KPNA6: variants seen among roughly 807,000 people sequenced by gnomAD.
KPNA6 encodes importin subunit alpha-7.
KPNA6 carries 9 observed loss-of-function variants against 72.0 expected under a neutral mutation model. The observed-to-expected ratio is 0.13, with a 90% CI of 0.08 to 0.22. The LOEUF is 0.22. Among genes scored for constraint, KPNA6 ranks in the 10% least tolerant of loss-of-function variants. The pLI, the probability that KPNA6 is intolerant of heterozygous loss-of-function variation, is 1.00. For synonymous variants in KPNA6, 219 were observed against 242.1 expected (o/e 0.90, Z 0.89); for missense variants, 374 against 655.7 (o/e 0.57, Z 4.69).
At chr1:32,144,005 G>A (rs986449294) in intron 1 of KPNA6, among the ~76,000 whole-genome samples, 3 of 152,124 alleles carry the variant, frequency 2.0e-5, no homozygotes, top group Non-Finnish European at 2.9e-5. Context: ...ACCCCCAGTG[G>A]ACACCTGCAA....
chr1:32,148,166 A>G (rs1049062611), intron 1 of KPNA6, among the ~76,000 whole-genome samples: 3 of 152,038 alleles, frequency 2.0e-5, no homozygotes, highest in South Asian at 2.1e-4. Context: ...GTACAGTGGC[A>G]TGATCTCGGC....
chr1:32,145,100 C>A (rs1316186916), intron 1 of KPNA6, among the ~76,000 whole-genome samples: 1 of 151,650 alleles, frequency 6.6e-6, no homozygotes, highest in African/African-American at 2.4e-5. Flanking sequence ...CTACAGGGGC[C>A]CGCCACCACA....
At chr1:32,110,821 C>T (rs541665036) in intron 1 of KPNA6, among the ~76,000 whole-genome samples, 50 of 152,208 alleles carry the variant, frequency 3.3e-4, no homozygotes, top group African/African-American at 1.1e-3. Context: ...TGCTTGAACC[C>T]GGGAGGCGGA....
intron 1 of KPNA6, among the ~76,000 whole-genome samples, chr1:32,122,577 C>T (rs968326841): frequency 6.6e-6 from 1 of 151,878 alleles, no homozygotes; most frequent in African/African-American, 2.4e-5. Flanking sequence ...TTGAGGTCAG[C>T]AGTTTGAGAC....
chr1:32,155,836 C>T (rs1374595336), intron 2 of KPNA6, among the ~76,000 whole-genome samples: 1 of 151,366 alleles, frequency 6.6e-6, no homozygotes, highest in Non-Finnish European at 1.5e-5. Flanking sequence ...AGCTCCCGGG[C>T]TCAAGTGATC....
intron 1 of KPNA6, among the ~76,000 whole-genome samples, chr1:32,138,810 TG>T (rs1419919522): frequency 2.6e-5 from 4 of 152,204 alleles, no homozygotes; most frequent in Admixed American, 1.3e-4. Context: ...ATTAGAAAGC[TG>T]AATGCAATGA....
At chr1:32,114,451 A>AAAAAAATATATATATAT (rs982175711) in intron 1 of KPNA6, among the ~76,000 whole-genome samples, 2 of 145,562 alleles carry the variant, frequency 1.4e-5, no homozygotes, top group African/African-American at 5.0e-5. Flanking sequence ...CAAAAAAAAA[A>AAAAAAATATATATATAT]ATATATATAT....
intron 1 of KPNA6, among the ~76,000 whole-genome samples, chr1:32,149,549 G>A (rs903689691): frequency 2.0e-5 from 3 of 152,090 alleles, no homozygotes; most frequent in African/African-American, 7.2e-5. Context: ...ACTTTATTCC[G>A]CGAATGGGCC....
At chr1:32,143,209 G>A (rs573105574) in intron 1 of KPNA6, among the ~76,000 whole-genome samples, 1 of 152,180 alleles carries the variant, frequency 6.6e-6, no homozygotes, top group South Asian at 2.1e-4. Context: ...GACCACAGGT[G>A]CATGCCACCA....
chr1:32,128,386 T>TG, intron 1 of KPNA6, among the ~76,000 whole-genome samples: 1 of 73,188 alleles, frequency 1.4e-5, no homozygotes, highest in Admixed American at 1.9e-4. Flanking sequence ...TATATATGTA[T>TG]TTATATATAT....
intron 6 of KPNA6, 130 bp downstream of exon 6, chr1:32,159,661 A>G (rs1403203004): frequency 1.0e-6 from 1 of 998,572 alleles, no homozygotes; most frequent in Admixed American, 2.6e-5. Context: ...GGTGTCAAGT[A>G]CAGATGGCCC....
chr1:32,141,452 C>T (rs1399450754), intron 1 of KPNA6, among the ~76,000 whole-genome samples: 1 of 122,004 alleles, frequency 8.2e-6, no homozygotes, highest in African/African-American at 3.2e-5. Context: ...GGCTGGAGTG[C>T]AGTGGCGCGA....
intron 1 of KPNA6, among the ~76,000 whole-genome samples, chr1:32,145,236 G>A (rs1641910022): frequency 6.6e-6 from 1 of 151,898 alleles, no homozygotes; most frequent in Admixed American, 6.6e-5. Context: ...TGGGATTACA[G>A]ATGTGAGCCA....
At chr1:32,139,521 C>T (rs1481335897) in intron 1 of KPNA6, among the ~76,000 whole-genome samples, 1 of 152,130 alleles carries the variant, frequency 6.6e-6, no homozygotes, top group African/African-American at 2.4e-5. Flanking sequence ...TGAATCTATT[C>T]TAGCCCCTAG....
intron 1 of KPNA6, among the ~76,000 whole-genome samples, chr1:32,130,120 G>A (rs1448215060): frequency 6.6e-6 from 1 of 151,878 alleles, no homozygotes; most frequent in African/African-American, 2.4e-5. Flanking sequence ...AATTTTGCCT[G>A]AGAATGCCTC....
intron 6 of KPNA6, among the ~76,000 whole-genome samples, chr1:32,159,979 A>G (rs1642207744): frequency 6.6e-6 from 1 of 152,212 alleles, no homozygotes. Flanking sequence ...GGGCTCTTTT[A>G]TAGACTTGGT....
chr1:32,161,732 A>G (rs923160613), intron 7 of KPNA6, among the ~76,000 whole-genome samples: 21 of 152,116 alleles, frequency 1.4e-4, no homozygotes, highest in Admixed American at 3.9e-4. Context: ...CCTATTATCT[A>G]TGGTATTAAC....
At chr1:32,132,979 C>CGG (rs1041782024) in intron 1 of KPNA6, among the ~76,000 whole-genome samples, 9 of 152,110 alleles carry the variant, frequency 5.9e-5, no homozygotes, top group African/African-American at 2.2e-4. Flanking sequence ...CGGTGATCCA[C>CGG]CTGCCCCAGC....
At chr1:32,118,625 GTC>G in intron 1 of KPNA6, among the ~76,000 whole-genome samples, 1 of 151,470 alleles carries the variant, frequency 6.6e-6, no homozygotes, top group East Asian at 1.9e-4. Flanking sequence ...CAAAACCCCT[GTC>G]TCTACAAAAA....
Sources: allele counts gnomAD v4.1 joint callset (sites outside exome capture counted in the v4.1 genomes callset), GRCh38; gene constraint gnomAD v4.1.1; transcripts MANE v1.5; gene names NCBI Gene and HGNC (gene_info 2026-07-23, HGNC 2026-07-21).